Variants in RGS7 observed in about 807,000 individuals in gnomAD.
RGS7 encodes the protein regulator of G protein signaling 7.
A neutral mutation model predicts 81.1 loss-of-function variants in RGS7; 27 were observed. That is an observed-to-expected ratio of 0.33 (90% confidence interval 0.25 to 0.46). The LOEUF (loss-of-function observed/expected upper bound fraction) is 0.46. Among genes scored for constraint, RGS7 ranks in the 20% least tolerant of loss-of-function variants. The probability of loss-of-function intolerance (pLI) is 1.00; values close to 1 mark genes in which losing one functional copy is unlikely to be tolerated. For synonymous variants in RGS7, 208 were observed against 207.7 expected (o/e 1.00, Z -0.01); for missense variants, 396 against 607.4 (o/e 0.65, Z 3.66).
intron 3 of RGS7, among the ~76,000 whole-genome samples, chr1:241,037,832 C>T (rs1024036016): frequency 5.9e-5 from 9 of 151,884 alleles, no homozygotes; most frequent in African/African-American, 1.7e-4. Flanking sequence ...TGGATGGAGT[C>T]AGAGGCCATT....
rs567756544 is a variant in RGS7 at position 241,326,342 on chromosome 1, C to T, written c.78+29357G>A. On this transcript the variant is annotated intron_variant, in intron 2 of 18. Transcript: ENST00000440928. ...AAGAATTGGATAAACCATAGGCTAC[C>T]TTCTTGCTCTAAATAACCTCCTCTT... is the stretch of plus-strand genomic sequence containing the variant. 4.6e-5 allele frequency among the ~76,000 whole-genome samples: 7 copies of T among 152,298 alleles called. No individual in the cohort carries two copies. In the South Asian group the frequency reaches 1.4e-3, roughly 32 times the overall value.
At chr1:241,064,947 A>G (rs1015251738) in intron 3 of RGS7, among the ~76,000 whole-genome samples, 1 of 152,114 alleles carries the variant, frequency 6.6e-6, no homozygotes, top group Non-Finnish European at 1.5e-5. Context: ...GGATGCAAGA[A>G]AAATATCACT....
intron 6 of RGS7, among the ~76,000 whole-genome samples, chr1:240,882,409 C>T (rs546914176): frequency 1.3e-5 from 2 of 152,308 alleles, no homozygotes; most frequent in Admixed American, 1.3e-4. Context: ...TCTGCTCTAT[C>T]ATAAGGCGGT....
At chr1:241,042,224 A>G (rs895478045) in intron 3 of RGS7, among the ~76,000 whole-genome samples, 4 of 152,206 alleles carry the variant, frequency 2.6e-5, no homozygotes, top group African/African-American at 7.2e-5. Flanking sequence ...GTTTACAGAG[A>G]TATTTCATGC....
chr1:241,025,334 C>G (rs499226), intron 3 of RGS7, among the ~76,000 whole-genome samples: 73,235 of 152,044 alleles, frequency 0.48, 18,637 homozygotes, highest in African/African-American at 0.63. Flanking sequence ...AAGTTCTTAT[C>G]ACAGATCCAT....
At chr1:241,191,479 A>G (rs906442648) in intron 2 of RGS7, among the ~76,000 whole-genome samples, 17 of 152,220 alleles carry the variant, frequency 1.1e-4, no homozygotes, top group African/African-American at 3.9e-4. Flanking sequence ...ATTATGATGT[A>G]TAACTCTTTA....
At chr1:241,202,705 A>G (rs2073610953) in intron 2 of RGS7, among the ~76,000 whole-genome samples, 1 of 152,208 alleles carries the variant, frequency 6.6e-6, no homozygotes, top group Non-Finnish European at 1.5e-5. Flanking sequence ...GTTATGACCT[A>G]CAGTCAAACA....
At chr1:240,799,293 G>GTCTA (rs1558268566) in intron 18 of RGS7, among the ~76,000 whole-genome samples, 29 of 146,188 alleles carry the variant, frequency 2.0e-4, no homozygotes, top group South Asian at 6.4e-4. Flanking sequence ...ATGTTTGTGT[G>GTCTA]TGTGTGTGTG....
intron 2 of RGS7, among the ~76,000 whole-genome samples, chr1:241,205,999 GT>G (rs111764449): frequency 0.015 from 2,129 of 143,830 alleles, 69 homozygotes; most frequent in East Asian, 0.083. Context: ...TTTCGTAAGT[GT>G]TTTTTTTTTT....
chr1:241,036,599 G>A (rs2148749788), intron 3 of RGS7, among the ~76,000 whole-genome samples: 1 of 152,278 alleles, frequency 6.6e-6, no homozygotes, highest in East Asian at 1.9e-4. Flanking sequence ...TGCTGTTTGA[G>A]AAACCAGCAG....
chr1:240,799,457 T>C (rs1327447660), intron 18 of RGS7, among the ~76,000 whole-genome samples: 2 of 151,202 alleles, frequency 1.3e-5, no homozygotes, highest in East Asian at 4.0e-4. Flanking sequence ...TCAGATTACA[T>C]ATGGGCCCTC....
At chr1:241,309,106 TC>T (rs1217842744) in intron 2 of RGS7, among the ~76,000 whole-genome samples, 1 of 151,964 alleles carries the variant, frequency 6.6e-6, no homozygotes, top group East Asian at 1.9e-4. Context: ...CAAGAATAAG[TC>T]CAGGCGCGGT....
rs775899882 is a variant in RGS7 at position 240,814,751 on chromosome 1, A to G, written c.810T>C (p.Asp270=). ...QQIKYWQIQL[D]RHRLKMSKVA... The stretch of plus-strand genomic sequence containing the variant: ...CTTTTGACATTTTTAACCGATGTCT[A>G]TCTAACTGTATTTGCCAATATTTTA... Residue 270 remains aspartate, a synonymous_variant, in exon 12 of 19, where the codon GAT becomes GAC. Transcript: ENST00000440928. The G allele has an allele frequency of 1.2e-5, 19 of 1,600,234 alleles. No homozygotes were observed. The highest frequency in any genetic ancestry group is 6.7e-5 in the East Asian group (3 of 44,756).
intron 2 of RGS7, among the ~76,000 whole-genome samples, chr1:241,184,354 C>T (rs1273684401): frequency 6.6e-6 from 1 of 152,166 alleles, no homozygotes; most frequent in Non-Finnish European, 1.5e-5. Flanking sequence ...TAAAAATAAC[C>T]TGTAAGTACC....
chr1:241,147,654 T>A (rs989843136), intron 2 of RGS7, among the ~76,000 whole-genome samples: 2 of 151,512 alleles, frequency 1.3e-5, no homozygotes, highest in African/African-American at 4.8e-5. Context: ...TTTCAACATA[T>A]AATTTCTATG....
chr1:241,195,367 T>A (rs1292426839), intron 2 of RGS7, among the ~76,000 whole-genome samples: 1 of 151,906 alleles, frequency 6.6e-6, no homozygotes, highest in Non-Finnish European at 1.5e-5. Flanking sequence ...TCCCAGCTAC[T>A]CAGGAAGCTG....
chr1:241,340,829 A>C (rs576962640), intron 2 of RGS7, among the ~76,000 whole-genome samples: 5 of 152,216 alleles, frequency 3.3e-5, no homozygotes, highest in Non-Finnish European at 7.3e-5. Flanking sequence ...GAGAAGTAAG[A>C]AAGTAAAGGA....
intron 6 of RGS7, among the ~76,000 whole-genome samples, chr1:240,896,921 G>T (rs879711992): frequency 6.6e-6 from 1 of 152,176 alleles, no homozygotes; most frequent in Non-Finnish European, 1.5e-5. Context: ...CATGAGCATG[G>T]AATGTTATTC....
chr1:240,816,555 C>T, intron 10 of RGS7, 140 bp from the exon 11 acceptor site: 1 of 633,428 alleles, frequency 1.6e-6, no homozygotes, highest in African/African-American at 1.8e-5. Context: ...ATTCAAAAGG[C>T]ACTGCTAAGA....
Sources: allele counts gnomAD v4.1 joint callset (sites outside exome capture counted in the v4.1 genomes callset), GRCh38; gene constraint gnomAD v4.1.1; transcripts MANE v1.5; gene names NCBI Gene and HGNC (gene_info 2026-07-23, HGNC 2026-07-21).